Variants in ERP27 observed in about 807,000 individuals in gnomAD.
ERP27 encodes endoplasmic reticulum resident protein 27.
ERP27 carries 23 observed loss-of-function variants against 27.7 expected under a neutral mutation model. The ratio of observed to expected loss-of-function variants is 0.83; its 90% CI spans 0.60 to 1.18. ERP27 has a LOEUF of 1.18. ERP27 is among the 50% of genes most tolerant of loss of function. ERP27 has a pLI of 0.00. For synonymous variants in ERP27, 159 were observed against 118.3 expected (o/e 1.34, Z -2.23); for missense variants, 363 against 327.9 (o/e 1.11, Z -0.83).
rs767580545 is a variant in ERP27 at position 14,915,478 on chromosome 12, C to T, written c.774+11G>A. ...GAAAACAATTTGCTTTACCTGCAGTCTCACACTTACCAACAATTTTCCACT... is the reference window on the plus strand; with the variant it reads ...GAAAACAATTTGCTTTACCTGCAGTTTCACACTTACCAACAATTTTCCACT... On this transcript the variant is annotated intron_variant, in intron 6 of 6. Coordinates refer to ENST00000266397, the MANE Select transcript of ERP27 (RefSeq NM_152321.4). The T allele has an allele frequency of 8.7e-6, 14 of 1,613,332 alleles. No individual in the cohort carries two copies. Among genetic ancestry groups the T allele is most frequent in the Non-Finnish European group, 1.2e-5 (14 of 1,179,320 alleles).
intron 3 of ERP27, among the ~76,000 whole-genome samples, chr12:14,927,008 C>G (rs1852892877): frequency 6.6e-6 from 1 of 152,022 alleles, no homozygotes; most frequent in Admixed American, 6.6e-5. Flanking sequence ...ATTTATTCAC[C>G]TTTTATTTTT....
chr12:14,928,520 G>T (rs1333663797), intron 3 of ERP27, among the ~76,000 whole-genome samples: 1 of 152,142 alleles, frequency 6.6e-6, no homozygotes, highest in Non-Finnish European at 1.5e-5. Context: ...ATTATTTGCC[G>T]AGTGCCTGCT....
chr12:14,914,558 CTG>C lies in ERP27; in HGVS notation c.*175_*176del, dbSNP rs10699558. Reference sequence around the variant, plus strand: ...AGATTTTAAGACAGGAAATGAAGCTCTGTGTGTGTGTGTGTGTGTGCGTGTGT... The same window carrying C: ...AGATTTTAAGACAGGAAATGAAGCTCTGTGTGTGTGTGTGTGTGCGTGTGT... On this transcript the variant is annotated 3_prime_UTR_variant, in exon 7 of 7. Coordinates refer to ENST00000266397, the MANE Select transcript of ERP27 (RefSeq NM_152321.4). The C allele has an allele frequency of 0.016, 5,115 of 326,778 alleles. 1 individual carries two copies. The highest frequency in any genetic ancestry group is 0.025 in the South Asian group (318 of 12,938). The allele number at this position is 326,778 out of a possible 1,614,324, so 20.2% of individuals were successfully genotyped here.
chr12:14,936,848 C>A (rs757770884), intron 2 of ERP27, among the ~76,000 whole-genome samples: 1 of 152,052 alleles, frequency 6.6e-6, no homozygotes, highest in Non-Finnish European at 1.5e-5. Flanking sequence ...AAACTCTTTC[C>A]TTTATAAATT....
At chr12:14,931,605 CA>C (rs1356983633) in intron 3 of ERP27, among the ~76,000 whole-genome samples, 1 of 152,130 alleles carries the variant, frequency 6.6e-6, no homozygotes, top group East Asian at 1.9e-4. Context: ...CTAGGTCCGT[CA>C]CTAGCGGTAA....
rs763767331 is a variant in ERP27 at position 14,915,420 on chromosome 12, C to A, written c.774+69G>T. 152 of 1,542,842 alleles carry A rather than the reference C, an allele frequency of 9.9e-5. 1 individual carries two copies. Among genetic ancestry groups the A allele is most frequent in the Non-Finnish European group, 1.3e-4 (143 of 1,126,506 alleles). ...CCTCCCTCTCTGAGCCCAAAGAATT[C>A]TTATTCAACTGGAAATAAAAGGGAC... On this transcript the variant is annotated intron_variant, in intron 6 of 6. Transcript: ENST00000266397.
Position 14,920,946 on chromosome 12 carries a change from C to G in ERP27, c.436G>C (p.Glu146Gln). The change falls in exon 4 of 7, where the codon GAG (glutamate) becomes CAG (glutamine). Residue 146 changes from glutamate to glutamine, a missense_variant. Glu to Gln is a conservative substitution (Grantham distance 29, BLOSUM62 2). Transcript: ENST00000266397. ...GTATTGTTTACCACAGGGTTGTACT[C>G]TGTCACCATGTGGAGGCTGTTGATC... The part of the protein sequence containing the change: ...IEINSLHMVT[E>Q]YNPVTVIGLF... 1.9e-6 allele frequency: 3 copies of G among 1,613,752 alleles called. No homozygotes were observed. Among genetic ancestry groups the G allele is most frequent in the Non-Finnish European group, 2.5e-6 (3 of 1,179,674 alleles).
chr12:14,933,107 T>C (rs1458389680), intron 3 of ERP27, among the ~76,000 whole-genome samples: 1 of 152,206 alleles, frequency 6.6e-6, no homozygotes, highest in Non-Finnish European at 1.5e-5. Flanking sequence ...CATTGATTCT[T>C]CATATATTCA....
intron 3 of ERP27, among the ~76,000 whole-genome samples, chr12:14,933,073 TATTC>T (rs145855574): frequency 3.5e-4 from 54 of 152,240 alleles, no homozygotes; most frequent in Admixed American, 2.8e-3. Flanking sequence ...AAGAAGAACA[TATTC>T]ATTCATTCAT....
At chr12:14,915,773 A>G in intron 5 of ERP27, 87 bp from the exon 6 acceptor site, 2 of 1,179,332 alleles carry the variant, frequency 1.7e-6, no homozygotes, top group Non-Finnish European at 2.4e-6. Flanking sequence ...TGCAGCTCAC[A>G]CTGATTGAAT....
intron 3 of ERP27, among the ~76,000 whole-genome samples, chr12:14,930,811 T>C (rs548934159): frequency 6.6e-6 from 1 of 152,364 alleles, no homozygotes; most frequent in South Asian, 2.1e-4. Context: ...TTTCAGCTTA[T>C]TTCTAAATAT....
intron 3 of ERP27, among the ~76,000 whole-genome samples, chr12:14,923,197 TG>T (rs1220028424): frequency 6.6e-6 from 1 of 152,152 alleles, no homozygotes; most frequent in African/African-American, 2.4e-5. Context: ...TCTACTGTCC[TG>T]GGTGTTTCTG....
At chr12:14,934,313 C>G (rs1031116475) in intron 3 of ERP27, among the ~76,000 whole-genome samples, 1 of 151,936 alleles carries the variant, frequency 6.6e-6, no homozygotes, top group African/African-American at 2.4e-5. Flanking sequence ...AAAACTTTAC[C>G]CATAGTGATT....
At chr12:14,915,283 T>G (rs1863390588) in intron 6 of ERP27, among the ~76,000 whole-genome samples, 1 of 152,204 alleles carries the variant, frequency 6.6e-6, no homozygotes, top group South Asian at 2.1e-4. Flanking sequence ...TCTAGCTATT[T>G]GAAAATATAT....
intron 5 of ERP27, 81 bp from the exon 6 acceptor site, chr12:14,915,767 G>T: frequency 8.2e-7 from 1 of 1,226,022 alleles, no homozygotes. Context: ...AATTGTTGCA[G>T]CTCACACTGA....
chr12:14,932,717 T>C (rs570345552), intron 3 of ERP27, among the ~76,000 whole-genome samples: 3 of 152,324 alleles, frequency 2.0e-5, no homozygotes, highest in East Asian at 3.9e-4. Flanking sequence ...TAAAAGGAGA[T>C]CTGTTCAGAA....
At chr12:14,918,677 C>T (rs560705216) in intron 4 of ERP27, among the ~76,000 whole-genome samples, 5 of 152,216 alleles carry the variant, frequency 3.3e-5, no homozygotes, top group Admixed American at 6.5e-5. Flanking sequence ...TGGGGAAGGG[C>T]ACAGCTAGGT....
In ERP27 at chr12:14,914,786, G is replaced by C. The variant is rs1863382942; in HGVS notation, c.775-4C>G. The C allele has an allele frequency of 1.9e-6, 3 of 1,612,300 alleles. No homozygotes were observed. Among genetic ancestry groups the C allele is most frequent in the Non-Finnish European group, 2.5e-6 (3 of 1,178,608 alleles). On this transcript the variant is annotated splice_region_variant and splice_polypyrimidine_tract_variant and intron_variant, in intron 6 of 6. Coordinates refer to ENST00000266397, the MANE Select transcript of ERP27 (RefSeq NM_152321.4). ...CTTCTGATTCACGATTTTCTTTCTG[G>C]AAAACATTATAACAATGATATTTAG...
At chr12:14,933,807 T>C (rs1046983248) in intron 3 of ERP27, among the ~76,000 whole-genome samples, 16 of 152,160 alleles carry the variant, frequency 1.1e-4, no homozygotes, top group African/African-American at 3.9e-4. Context: ...TATCTAATGA[T>C]CACAGGATCT....
Sources: gnomAD v4.1 joint callset for allele counts (sites outside exome capture counted in the v4.1 genomes callset) on GRCh38, gnomAD v4.1.1 for gene constraint, MANE v1.5 for transcripts, NCBI Gene and HGNC (gene_info 2026-07-23, HGNC 2026-07-21) for gene names.